CD177: variants seen among roughly 807,000 people sequenced by gnomAD.
CD177 encodes CD177 molecule.
In CD177, 41 loss-of-function variants were observed where a neutral mutation model predicts 38.1. The observed-to-expected ratio is 1.07, with a 90% CI of 0.84 to 1.39. The LOEUF (loss-of-function observed/expected upper bound fraction) is 1.39. Among genes scored for constraint, CD177 ranks in the 40% most tolerant of loss-of-function variants. CD177 has a pLI of 0.00. For missense variants in CD177, 619 were observed against 523.8 expected (o/e 1.18, Z -1.77); for synonymous variants, 236 against 216.7 (o/e 1.09, Z -0.78).
chr19:43,353,917 C>T lies in CD177; in HGVS notation c.117C>T (p.Pro39=). 2 of 1,613,858 alleles carry T rather than the reference C, an allele frequency of 1.2e-6. No homozygotes were observed. Among genetic ancestry groups the T allele is most frequent in the Non-Finnish European group, 1.7e-6 (2 of 1,179,848 alleles). The part of the protein sequence containing the change: ...VQHVWKVSDL[P]RQWTPKNTSC... The stretch of plus-strand genomic sequence containing the variant: ...ATGTGTGGAAGGTGTCCGACCTGCC[C>T]CGGCAATGGACCCCTAAGAACACCA... The change falls in exon 2 of 9, where the codon CCC becomes CCT. Residue 39 remains proline, a synonymous_variant. Coordinates refer to ENST00000618265, the MANE Select transcript of CD177 (RefSeq NM_020406.4).
Position 43,353,974 on chromosome 19 carries a change from G to A in CD177, c.174G>A (p.Thr58=), listed in dbSNP as rs1466211483. 2 of 1,613,824 alleles carry A rather than the reference G, an allele frequency of 1.2e-6. No individual in the cohort carries two copies. Among genetic ancestry groups the A allele is most frequent in the Non-Finnish European group, 1.7e-6 (2 of 1,179,816 alleles). The change falls in exon 2 of 9, where the codon ACG becomes ACA. Residue 58 remains threonine, a synonymous_variant. Transcript: ENST00000618265. ...ACAGCGGCTTGGGGTGCCAGGACAC[G>A]TTGATGCTCATTGAGAGCGGTGAGA... ...SCDSGLGCQD[T]LMLIESGPQV...
At position 43,355,754 on chromosome 19, in the gene CD177, G is replaced by C. The variant is rs1379404354; in HGVS notation, c.473G>C (p.Cys158Ser). 4.3e-6 allele frequency: 7 copies of C among 1,613,210 alleles called. No individual in the cohort carries two copies. Among genetic ancestry groups the C allele is most frequent in the Non-Finnish European group, 5.1e-6 (6 of 1,179,510 alleles). The part of the protein sequence containing the change: ...EEICPKGTTH[C>S]YDGLLRLRGG... ...ATCTGCCCCAAGGGGACCACACACT[G>C]TTATGATGGCCTCCTCAGGCTCAGG... Residue 158 changes from cysteine to serine, a missense_variant, in exon 4 of 9, where the codon TGT (cysteine) becomes TCT (serine). Transcript: ENST00000618265.
intron 3 of CD177, 51 bp from the exon 4 acceptor site, chr19:43,355,610 C>G: frequency 1.2e-6 from 2 of 1,609,328 alleles, no homozygotes; most frequent in Non-Finnish European, 1.7e-6. Context: ...GGTATCTGAT[C>G]AAATCCAGTG....
rs1316617297 is a variant in CD177 at position 43,355,227 on chromosome 19, C to T, written c.380-434C>T. Among the ~76,000 whole-genome samples, 13 of 148,640 alleles carry T rather than the reference C, an allele frequency of 8.7e-5. No individual in the cohort carries two copies. The East Asian group carries it at 1.6e-3, about 19-fold the overall frequency. ...CTCCCGGGTTCAAGCGATTCTCCTGCGTCAGCCTCCCACGTAGCAGGGACT... is the reference window on the plus strand; with the variant it reads ...CTCCCGGGTTCAAGCGATTCTCCTGTGTCAGCCTCCCACGTAGCAGGGACT... On this transcript the variant is annotated intron_variant, in intron 3 of 8. Coordinates refer to ENST00000618265, the MANE Select transcript of CD177 (RefSeq NM_020406.4).
downstream of CD177, among the ~76,000 whole-genome samples, chr19:43,364,138 C>T (rs561834894): frequency 2.0e-5 from 3 of 152,324 alleles, no homozygotes; most frequent in African/African-American, 7.2e-5. Flanking sequence ...TCCAGTCCTT[C>T]CCTCTGTCAC....
downstream of CD177, among the ~76,000 whole-genome samples, chr19:43,363,354 C>T (rs1317007189): frequency 6.7e-6 from 1 of 150,164 alleles, no homozygotes; most frequent in Admixed American, 6.7e-5. Context: ...GGAGAAGAGC[C>T]ACTGCTGGAA....
chr19:43,355,124 T>C (rs1969906970), intron 3 of CD177, among the ~76,000 whole-genome samples: 2 of 121,848 alleles, frequency 1.6e-5, no homozygotes, highest in South Asian at 2.8e-4. Context: ...TTTTTTTTTT[T>C]TTTTTCTGAG....
chr19:43,365,246 C>A (rs1970017980), downstream of CD177, among the ~76,000 whole-genome samples: 1 of 142,810 alleles, frequency 7.0e-6, no homozygotes, highest in Non-Finnish European at 1.5e-5. Context: ...GCCCCGGGCT[C>A]TGCCTACACT....
In CD177 at chr19:43,360,290, C is replaced by A. The variant is rs376967860; in HGVS notation, c.645C>A (p.Thr215=). The A allele has an allele frequency of 6.2e-7, 1 of 1,613,164 alleles. No individual in the cohort carries two copies. The highest frequency in any genetic ancestry group is 1.3e-5 in the African/African-American group (1 of 74,856). Residue 215 remains threonine (T), a synonymous_variant, in exon 6 of 9, where the codon ACC becomes ACA. Transcript: ENST00000618265. ...MKDFLTCHRG[T]TIMTHGNLAQ... ...ATTTTCTGACCTGTCATCGGGGGACCACCATTATGACACACGGAAACTTGG... is the reference window on the plus strand; with the variant it reads ...ATTTTCTGACCTGTCATCGGGGGACAACCATTATGACACACGGAAACTTGG...
intron 8 of CD177, 125 bp downstream of exon 8, chr19:43,361,704 C>A (rs1281059456): frequency 1.3e-4 from 131 of 1,028,800 alleles, no homozygotes; most frequent in Admixed American, 3.4e-4. Flanking sequence ...GGCCTGGACT[C>A]CTGGTCCGAG....
intron 3 of CD177, 191 bp downstream of exon 3, chr19:43,354,583 G>A (rs899484000): frequency 1.3e-5 from 8 of 605,668 alleles, no homozygotes; most frequent in African/African-American, 4.3e-5. Flanking sequence ...ACTCACTCCC[G>A]ATCCCTCCCA....
rs758717676 is a variant in CD177 at position 43,354,349 on chromosome 19, CCTCGTTAA to C, written c.340_347del (p.Val114ProfsTer44). 1 of 1,613,984 alleles carries C rather than the reference CCTCGTTAA, an allele frequency of 6.2e-7. No individual in the cohort carries two copies. The highest frequency in any genetic ancestry group is 8.5e-7 in the Non-Finnish European group (1 of 1,179,886). On this transcript the variant is annotated frameshift_variant, in exon 3 of 9. Coordinates refer to ENST00000618265, the MANE Select transcript of CD177 (RefSeq NM_020406.4). LOFTEE classifies it high-confidence loss of function. ...GCCGCCAGGAGGACTTCTGCAACAA[CCTCGTTAA>C]CTCCCTCCCGCTTTGGGCCCCACAG...
Position 43,353,955 on chromosome 19 carries a change from G to C in CD177, c.155G>C (p.Gly52Ala). The part of the protein sequence containing the change: ...WTPKNTSCDS[G>A]LGCQDTLMLI... ...CCTAAGAACACCAGCTGCGACAGCG[G>C]CTTGGGGTGCCAGGACACGTTGATG... Residue 52 changes from glycine (G) to alanine (A), a missense_variant, in exon 2 of 9, where the codon GGC becomes GCC. Coordinates refer to ENST00000618265, the MANE Select transcript of CD177 (RefSeq NM_020406.4). The C allele has an allele frequency of 6.2e-7, 1 of 1,613,898 alleles. No homozygotes were observed. The highest frequency in any genetic ancestry group is 1.7e-5 in the Admixed American group (1 of 60,006).
In CD177 at chr19:43,362,121, G is replaced by C. The variant is rs1289628752; in HGVS notation, c.1115G>C (p.Cys372Ser). ...TCCACCAAAATGAGCATTCAGGGCT[G>C]CGTGGCCCAACCTTCCAGCTTCTTG... ...GLSTKMSIQGCVAQPSSFLLN... is the reference protein window; with the variant it reads ...GLSTKMSIQGSVAQPSSFLLN... The change falls in exon 9 of 9, where the codon TGC (cysteine) becomes TCC (serine). Residue 372 changes from cysteine to serine, a missense_variant. Physicochemically the swap from Cys to Ser is moderately radical, Grantham distance 112. Transcript: ENST00000618265. 3.7e-6 allele frequency: 6 copies of C among 1,613,802 alleles called. No homozygotes were observed. In the South Asian group the frequency reaches 6.6e-5, roughly 18 times the overall value.
At chr19:43,360,498 A>C in intron 6 of CD177, 93 bp downstream of exon 6, 2 of 1,291,224 alleles carry the variant, frequency 1.5e-6, no homozygotes, top group Non-Finnish European at 2.1e-6. Context: ...TTTCCTGCTC[A>C]GCTCCCTTCA....
rs1023453294 is a variant in CD177, at chr19:43,353,988, A to G, written c.188A>G (p.Glu63Gly). 6.2e-7 allele frequency: 1 copy of G among 1,613,640 alleles called. No individual in the cohort carries two copies. The change falls in exon 2 of 9, where the codon GAG becomes GGG. Residue 63 changes from glutamate (E) to glycine (G), a missense_variant. Physicochemically the swap from Glu to Gly is moderately conservative, Grantham distance 98. Coordinates refer to ENST00000618265, the MANE Select transcript of CD177 (RefSeq NM_020406.4). ...LGCQDTLMLIESGPQVSLVLS... is the reference protein window; with the variant it reads ...LGCQDTLMLIGSGPQVSLVLS... Reference sequence around the variant, plus strand: ...TGCCAGGACACGTTGATGCTCATTGAGAGCGGTGAGAAGGCCCTGGCGTGC... The same window carrying G: ...TGCCAGGACACGTTGATGCTCATTGGGAGCGGTGAGAAGGCCCTGGCGTGC...
chr19:43,366,022 A>C (rs1365717246), downstream of CD177, among the ~76,000 whole-genome samples: 1 of 152,172 alleles, frequency 6.6e-6, no homozygotes, highest in Non-Finnish European at 1.5e-5. Flanking sequence ...GAATGGTCAG[A>C]GTTACCTGCA....
rs534652679 is a variant in CD177 at position 43,353,919 on chromosome 19, G to A, written c.119G>A (p.Arg40Gln). Reference sequence around the variant, plus strand: ...GTGTGGAAGGTGTCCGACCTGCCCCGGCAATGGACCCCTAAGAACACCAGC... The same window carrying A: ...GTGTGGAAGGTGTCCGACCTGCCCCAGCAATGGACCCCTAAGAACACCAGC... Reference protein sequence around the residue: ...QHVWKVSDLPRQWTPKNTSCD... With the variant: ...QHVWKVSDLPQQWTPKNTSCD... The change falls in exon 2 of 9, where the codon CGG becomes CAG. Residue 40 changes from arginine (R) to glutamine (Q), a missense_variant. Physicochemically the swap from Arg to Gln is conservative, Grantham distance 43 (BLOSUM62 1). Transcript: ENST00000618265. 173 of 1,613,816 alleles carry A rather than the reference G, an allele frequency of 1.1e-4. No individual in the cohort carries two copies. The South Asian group carries it at 1.6e-3, about 15-fold the overall frequency.
chr19:43,355,206 C>T (rs1336893226), intron 3 of CD177, among the ~76,000 whole-genome samples: 2 of 149,784 alleles, frequency 1.3e-5, no homozygotes, highest in Non-Finnish European at 3.0e-5. Context: ...CTCCGACTCC[C>T]GGGTTCAAGC....
Sources: gnomAD v4.1 joint callset for allele counts (sites outside exome capture counted in the v4.1 genomes callset) on GRCh38, gnomAD v4.1.1 for gene constraint, MANE v1.5 for transcripts, NCBI Gene and HGNC (gene_info 2026-07-23, HGNC 2026-07-21) for gene names.